TFEC: variants seen among roughly 807,000 people sequenced by gnomAD.
TFEC encodes the protein transcription factor EC.
TFEC carries 31 observed loss-of-function variants against 41.6 expected under a neutral mutation model. That is an observed-to-expected ratio of 0.74 (90% CI 0.56 to 1.01). The LOEUF (loss-of-function observed/expected upper bound fraction) is 1.01, where lower values mean the gene tolerates loss of function less well. Ranked by LOEUF, TFEC falls within the 50% of genes least tolerant of loss-of-function variation. The probability of loss-of-function intolerance (pLI) is 0.00; values close to 1 mark genes in which losing one functional copy is unlikely to be tolerated. For synonymous variants in TFEC, 143 were observed against 140.6 expected (o/e 1.02, Z -0.12); for missense variants, 402 against 404.1 (o/e 0.99, Z 0.04).
intron 1 of TFEC, among the ~76,000 whole-genome samples, chr7:116,125,256 A>C (rs1025274430): frequency 2.0e-5 from 3 of 152,188 alleles, no homozygotes; most frequent in Admixed American, 6.5e-5. Context: ...TAGAGAAAGC[A>C]TTGGAGGCAG....
chr7:116,084,378 C>G (rs925603492), intron 3 of TFEC, among the ~76,000 whole-genome samples: 2 of 151,852 alleles, frequency 1.3e-5, no homozygotes, highest in Admixed American at 1.3e-4. Flanking sequence ...ATAAACACAA[C>G]TTTATAACAA....
intron 1 of TFEC, among the ~76,000 whole-genome samples, chr7:116,009,413 C>A (rs1794918285): frequency 6.6e-6 from 1 of 152,020 alleles, no homozygotes; most frequent in Non-Finnish European, 1.5e-5. Flanking sequence ...AGTAATGATA[C>A]TTAAAATACA....
intron 3 of TFEC, among the ~76,000 whole-genome samples, chr7:116,048,806 A>G (rs1796235951): frequency 6.6e-6 from 1 of 152,208 alleles, no homozygotes; most frequent in Non-Finnish European, 1.5e-5. Flanking sequence ...TACAAGCCAG[A>G]AGAGAGTGGG....
rs1468203262 is a variant in TFEC, at chr7:116,046,890, G to T, written c.199-62377C>A. Among the ~76,000 whole-genome samples, 4 of 152,322 alleles carry T rather than the reference G, an allele frequency of 2.6e-5. No homozygotes were observed. The East Asian group carries it at 7.7e-4, about 29-fold the overall frequency. ...CCATATTCTCTCACCAGAGAGGTGA[G>T]CTGTAACACAATCCCTTGAATTTAT... On this transcript the variant is annotated intron_variant, in intron 3 of 8. Coordinates refer to the TFEC transcript ENST00000484212.
At chr7:116,138,426 T>C (rs188965584) in intron 1 of TFEC, among the ~76,000 whole-genome samples, 1 of 152,206 alleles carries the variant, frequency 6.6e-6, no homozygotes, top group South Asian at 2.1e-4. Context: ...TGATCTCATA[T>C]AGGCCCTTGT....
At chr7:116,082,863 G>A (rs190035263) in intron 3 of TFEC, among the ~76,000 whole-genome samples, 2 of 151,920 alleles carry the variant, frequency 1.3e-5, no homozygotes, top group East Asian at 3.9e-4. Flanking sequence ...CATTTTAATA[G>A]ATGTTTTATT....
intron 3 of TFEC, among the ~76,000 whole-genome samples, chr7:116,064,481 A>G (rs71564546): frequency 6.6e-6 from 1 of 151,938 alleles, no homozygotes; most frequent in African/African-American, 2.4e-5. Context: ...AACAAAACCC[A>G]CAATAATAAA....
At chr7:116,049,104 T>G (rs1366770178) in intron 3 of TFEC, among the ~76,000 whole-genome samples, 3 of 152,158 alleles carry the variant, frequency 2.0e-5, no homozygotes, top group Non-Finnish European at 4.4e-5. Flanking sequence ...AACATCATAA[T>G]GACAGGATCA....
At chr7:116,005,475 C>G (rs576328684) in intron 1 of TFEC, among the ~76,000 whole-genome samples, 1 of 152,278 alleles carries the variant, frequency 6.6e-6, no homozygotes, top group South Asian at 2.1e-4. Flanking sequence ...CATTTTGCCC[C>G]TGCTGTAGAG....
At chr7:116,048,469 T>G (rs899141872) in intron 3 of TFEC, among the ~76,000 whole-genome samples, 1 of 152,160 alleles carries the variant, frequency 6.6e-6, no homozygotes, top group Non-Finnish European at 1.5e-5. Context: ...CTTGAAGAAA[T>G]ATGGGATCAC....
chr7:115,950,526 A>C (rs1446287660), intron 6 of TFEC, among the ~76,000 whole-genome samples: 4 of 152,142 alleles, frequency 2.6e-5, no homozygotes, highest in Non-Finnish European at 5.9e-5. Context: ...AATTGGAAGA[A>C]TTGTTATACT....
intron 3 of TFEC, among the ~76,000 whole-genome samples, chr7:116,092,533 A>G (rs1797352520): frequency 6.6e-6 from 1 of 152,308 alleles, no homozygotes; most frequent in Admixed American, 6.5e-5. Context: ...TTGTTCCATT[A>G]TGATGACATT....
intron 1 of TFEC, among the ~76,000 whole-genome samples, chr7:116,019,504 T>C: frequency 6.6e-6 from 1 of 152,180 alleles, no homozygotes; most frequent in Admixed American, 6.5e-5. Context: ...AAGCGCAATG[T>C]TTTCATCAGA....
intron 3 of TFEC, among the ~76,000 whole-genome samples, chr7:116,092,248 T>A (rs1393617282): frequency 6.6e-6 from 1 of 152,158 alleles, no homozygotes; most frequent in East Asian, 1.9e-4. Context: ...AAAGAATAAA[T>A]GGCAGGAGTT....
intron 3 of TFEC, among the ~76,000 whole-genome samples, chr7:116,073,916 A>G (rs1363005725): frequency 4.6e-5 from 7 of 152,022 alleles, no homozygotes; most frequent in Admixed American, 3.3e-4. Context: ...ATAAACCCTT[A>G]CATTTATGGT....
intron 1 of TFEC, among the ~76,000 whole-genome samples, chr7:116,027,491 G>C (rs977446722): frequency 6.6e-6 from 1 of 152,128 alleles, no homozygotes; most frequent in Non-Finnish European, 1.5e-5. Flanking sequence ...AGCTACTCTG[G>C]GGGGTTGAGG....
At chr7:115,967,730 T>C (rs767683495) in intron 3 of TFEC, among the ~76,000 whole-genome samples, 1 of 151,808 alleles carries the variant, frequency 6.6e-6, no homozygotes, top group Non-Finnish European at 1.5e-5. Flanking sequence ...GTTTATAATA[T>C]AGTGGCAGAT....
At chr7:116,001,521 CA>C (rs796739262) in intron 1 of TFEC, among the ~76,000 whole-genome samples, 12 of 148,780 alleles carry the variant, frequency 8.1e-5, no homozygotes, top group Non-Finnish European at 1.8e-4. Context: ...AACCAACAAA[CA>C]AAAAAAACAC....
intron 3 of TFEC, among the ~76,000 whole-genome samples, chr7:116,037,568 C>A (rs905362549): frequency 6.6e-6 from 1 of 151,816 alleles, no homozygotes; most frequent in South Asian, 2.1e-4. Flanking sequence ...TTGAGAAATG[C>A]GGAAGAAATT....
Sources: allele counts gnomAD v4.1 joint callset (sites outside exome capture counted in the v4.1 genomes callset), GRCh38; gene constraint gnomAD v4.1.1; transcripts MANE v1.5; gene names NCBI Gene and HGNC (gene_info 2026-07-23, HGNC 2026-07-21).